LOXHD1: variants seen among roughly 807,000 people sequenced by gnomAD.
LOXHD1 encodes the protein lipoxygenase homology domain-containing protein 1.
Under a neutral mutation model 248.2 loss-of-function variants are expected in LOXHD1, and 205 were observed. The ratio of observed to expected loss-of-function variants is 0.83; its 90% confidence interval spans 0.74 to 0.93. The LOEUF is 0.93. LOXHD1 is among the 40% of genes least tolerant of loss of function. The pLI, the probability that LOXHD1 is intolerant of heterozygous loss-of-function variation, is 0.00. For missense variants in LOXHD1, 2,930 were observed against 2,971.6 expected (o/e 0.99, Z 0.33); for synonymous variants, 1,113 against 1,162.8 (o/e 0.96, Z 0.87).
chr18:46,647,217 C>T (rs915525906), intron 2 of LOXHD1, among the ~76,000 whole-genome samples: 1 of 152,158 alleles, frequency 6.6e-6, no homozygotes, highest in Admixed American at 6.5e-5. Context: ...GAGGTCCCAG[C>T]CCTGCCAGCT....
chr18:46,574,419 A>ACACACACACACACACACC (rs1357990413), intron 14 of LOXHD1, among the ~76,000 whole-genome samples: 82 of 149,032 alleles, frequency 5.5e-4, no homozygotes, highest in African/African-American at 1.9e-3. Context: ...ACACACACAC[A>ACACACACACACACACACC]CCTGATCCTA....
At chr18:46,580,698 A>G (rs611718) in intron 12 of LOXHD1, among the ~76,000 whole-genome samples, 110,441 of 152,162 alleles carry the variant, frequency 0.73, 40,312 homozygotes, top group South Asian at 0.77. Context: ...TGTTTTTGTT[A>G]TATCTGTAAC....
chr18:46,548,815 C>A lies in LOXHD1; in HGVS notation c.3351-1757G>T, dbSNP rs139551292. ...AAAAGTCAAAGAGACAGAAAAGGTACAAGCCCTCCCATGCATACAAAGAGA... is the reference window on the plus strand; with the variant it reads ...AAAAGTCAAAGAGACAGAAAAGGTAAAAGCCCTCCCATGCATACAAAGAGA... On this transcript the variant is annotated intron_variant, in intron 21 of 40. Transcript: ENST00000642948. 1.1e-4 allele frequency among the ~76,000 whole-genome samples: 16 copies of A among 152,288 alleles called. No individual in the cohort carries two copies. In the East Asian group the frequency reaches 2.5e-3, roughly 24 times the overall value.
At chr18:46,655,429 G>A (rs1458843609) in intron 1 of LOXHD1, among the ~76,000 whole-genome samples, 1 of 152,224 alleles carries the variant, frequency 6.6e-6, no homozygotes, top group Non-Finnish European at 1.5e-5. Flanking sequence ...TGCTGGCTGT[G>A]AGAGGTTCTA....
In LOXHD1 at chr18:46,509,678, T is replaced by A. The variant is rs931131636; in HGVS notation, c.5517+20A>T. 1.5e-5 allele frequency: 23 copies of A among 1,511,110 alleles called. No homozygotes were observed. In the African/African-American group the frequency reaches 1.9e-4, roughly 13 times the overall value. 93.6% of individuals were successfully genotyped at this position (1,511,110 alleles called of 1,614,324 possible). On this transcript the variant is annotated intron_variant, in intron 35 of 40. Coordinates refer to ENST00000642948, the MANE Select transcript of LOXHD1 (RefSeq NM_001384474.1). ...GGTGGGTGGTGGCTGGAAGGAAGAG[T>A]GAGGGTCTAGACATTTTACCCTCTC... is the stretch of plus-strand genomic sequence containing the variant.
chr18:46,503,700 C>T, intron 37 of LOXHD1, among the ~76,000 whole-genome samples: 1 of 152,184 alleles, frequency 6.6e-6, no homozygotes, highest in East Asian at 1.9e-4. Context: ...TTTCTTTCCA[C>T]AGACTCATAA....
At chr18:46,491,399 GT>G (rs1220261157) in intron 37 of LOXHD1, among the ~76,000 whole-genome samples, 1 of 152,246 alleles carries the variant, frequency 6.6e-6, no homozygotes, top group Non-Finnish European at 1.5e-5. Context: ...TCAGTTTGCG[GT>G]GGGGTCCAAG....
chr18:46,628,173 A>T (rs1231309727), intron 4 of LOXHD1, among the ~76,000 whole-genome samples: 2 of 152,232 alleles, frequency 1.3e-5, no homozygotes, highest in Non-Finnish European at 2.9e-5. Context: ...CTCCTCTCTG[A>T]AATGGAGGAA....
intron 12 of LOXHD1, among the ~76,000 whole-genome samples, chr18:46,591,117 A>G (rs2038159786): frequency 6.6e-6 from 1 of 152,252 alleles, no homozygotes; most frequent in Non-Finnish European, 1.5e-5. Flanking sequence ...AAATGAGATT[A>G]CGGAGATATT....
chr18:46,628,702 A>G (rs2038779181), intron 4 of LOXHD1, among the ~76,000 whole-genome samples: 1 of 152,186 alleles, frequency 6.6e-6, no homozygotes, highest in Non-Finnish European at 1.5e-5. Context: ...TGGGGGAAGA[A>G]GAAAGGGAAA....
chr18:46,624,495 A>T (rs1415684493), intron 4 of LOXHD1, among the ~76,000 whole-genome samples: 1 of 152,176 alleles, frequency 6.6e-6, no homozygotes, highest in Non-Finnish European at 1.5e-5. Flanking sequence ...GCCACCGACC[A>T]ATGGATTCCC....
chr18:46,630,508 C>A (rs1480632390), intron 4 of LOXHD1, among the ~76,000 whole-genome samples: 1 of 152,206 alleles, frequency 6.6e-6, no homozygotes, highest in African/African-American at 2.4e-5. Context: ...CTTCAAGACC[C>A]AATATGAGGT....
At chr18:46,631,237 A>G (rs1399881608) in intron 4 of LOXHD1, among the ~76,000 whole-genome samples, 2 of 152,182 alleles carry the variant, frequency 1.3e-5, no homozygotes, top group African/African-American at 4.8e-5. Context: ...AGAGATACAC[A>G]TTAGGAAGTT....
At chr18:46,645,048 G>A (rs889814239) in intron 2 of LOXHD1, among the ~76,000 whole-genome samples, 7 of 152,328 alleles carry the variant, frequency 4.6e-5, no homozygotes, top group Admixed American at 6.5e-5. Context: ...CACAAGAAGA[G>A]GAGGAAAGAG....
chr18:46,635,989 T>C (rs1377038379), intron 4 of LOXHD1, among the ~76,000 whole-genome samples: 1 of 152,186 alleles, frequency 6.6e-6, no homozygotes, highest in African/African-American at 2.4e-5. Context: ...CACAGCCATT[T>C]GGTTGGTCCT....
Position 46,541,831 on chromosome 18 carries a change from C to T in LOXHD1, c.3858G>A (p.Gly1286=), listed in dbSNP as rs777187344. ...GRWLAKNEDD[G]SIIRDLFHAE... ...CATGGAAGAGGTCTCTGATGATGGA[C>T]CCGTCGTCTTCGTTTTTGGCCAGCC... Residue 1286 remains glycine (G), a synonymous_variant, in exon 25 of 41, where the codon GGG becomes GGA. Coordinates refer to ENST00000642948, the MANE Select transcript of LOXHD1 (RefSeq NM_001384474.1). 16 of 1,551,732 alleles carry T rather than the reference C, an allele frequency of 1.0e-5. No homozygotes were observed. Among genetic ancestry groups the T allele is most frequent in the Non-Finnish European group, 1.4e-5 (16 of 1,147,002 alleles).
At chr18:46,491,122 G>A (rs919951822) in intron 37 of LOXHD1, among the ~76,000 whole-genome samples, 1 of 152,236 alleles carries the variant, frequency 6.6e-6, no homozygotes, top group South Asian at 2.1e-4. Flanking sequence ...CCAGGTGGAA[G>A]AGACTTTTTG....
chr18:46,511,267 C>T (rs373281543), intron 34 of LOXHD1, among the ~76,000 whole-genome samples: 1 of 152,170 alleles, frequency 6.6e-6, no homozygotes, highest in East Asian at 1.9e-4. Context: ...TTCAGTCTTC[C>T]CAACTCACTA....
At chr18:46,482,950 C>T (rs1387416088) in intron 40 of LOXHD1, among the ~76,000 whole-genome samples, 1 of 152,202 alleles carries the variant, frequency 6.6e-6, no homozygotes, top group Non-Finnish European at 1.5e-5. Flanking sequence ...TTCCTGCCTT[C>T]CAGAGCCTCA....
Sources: gnomAD v4.1 joint callset for allele counts (sites outside exome capture counted in the v4.1 genomes callset) on GRCh38, gnomAD v4.1.1 for gene constraint, MANE v1.5 for transcripts, NCBI Gene and HGNC (gene_info 2026-07-23, HGNC 2026-07-21) for gene names.